The following IQCH variants were observed in gnomAD, a reference collection of about 807,000 sequenced individuals.
IQCH encodes the protein IQ motif containing H, also known as IQ domain-containing protein H.
Under a neutral mutation model 117.0 loss-of-function variants are expected in IQCH, and 98 were observed. The observed-to-expected ratio is 0.84, with a 90% confidence interval of 0.71 to 0.99. IQCH has a LOEUF of 0.99. IQCH is among the 50% of genes least tolerant of loss of function. IQCH has a pLI of 0.00. For synonymous variants in IQCH, 412 were observed against 448.2 expected (o/e 0.92, Z 1.02); for missense variants, 1,102 against 1,243.8 (o/e 0.89, Z 1.72).
chr15:67,442,823 GATA>G (rs2082304324), intron 16 of IQCH, among the ~76,000 whole-genome samples: 1 of 113,354 alleles, frequency 8.8e-6, no homozygotes, highest in Non-Finnish European at 1.8e-5. Context: ...CTGTGAGATA[GATA>G]GATAGATAGA....
chr15:67,308,535 G>A (rs896757934), intron 4 of IQCH, among the ~76,000 whole-genome samples: 4 of 152,082 alleles, frequency 2.6e-5, no homozygotes, highest in Non-Finnish European at 5.9e-5. Context: ...AAGGACTGTG[G>A]TGGCATGCAC....
chr15:67,440,635 A>C (rs898251247), intron 16 of IQCH, among the ~76,000 whole-genome samples: 1 of 152,228 alleles, frequency 6.6e-6, no homozygotes, highest in Non-Finnish European at 1.5e-5. Context: ...ATCTCAATAG[A>C]TGCAGAAAAA....
rs775863264 is a variant in IQCH at position 67,426,199 on chromosome 15, G to A, written c.2505+4622G>A. Among the ~76,000 whole-genome samples the A allele has an allele frequency of 6.6e-6, 1 of 152,182 alleles. No individual in the cohort carries two copies. Among genetic ancestry groups the A allele is most frequent in the Non-Finnish European group, 1.5e-5 (1 of 68,034 alleles). Reference sequence around the variant, plus strand: ...CCCTTCTGAGACCTCTCAGTGGACAGAGCTAGCAAGTACATGTATTACGTA... The same window carrying A: ...CCCTTCTGAGACCTCTCAGTGGACAAAGCTAGCAAGTACATGTATTACGTA... On this transcript the variant is annotated intron_variant, in intron 16 of 20. Coordinates refer to ENST00000335894, the MANE Select transcript of IQCH (RefSeq NM_001031715.3). The surrounding 1 kb of genome is among the most constrained non-coding windows in gnomAD (Gnocchi z 5.1).
intron 16 of IQCH, among the ~76,000 whole-genome samples, chr15:67,442,435 A>G (rs982570033): frequency 1.3e-5 from 2 of 152,048 alleles, no homozygotes; most frequent in Non-Finnish European, 2.9e-5. Flanking sequence ...AAAATGCTCA[A>G]CATCACTAAT....
chr15:67,470,527 C>T (rs896805774), intron 17 of IQCH, among the ~76,000 whole-genome samples: 2 of 152,124 alleles, frequency 1.3e-5, no homozygotes, highest in East Asian at 1.9e-4. Context: ...GTTTCCTATA[C>T]ATAGCACAGA....
chr15:67,367,752 A>G (rs7497852), intron 8 of IQCH, among the ~76,000 whole-genome samples: 151,422 of 152,142 alleles, frequency 1, 75,360 homozygotes, highest in Non-Finnish European at 1. Flanking sequence ...GGAAGAGAAA[A>G]CACCCGATGG....
chr15:67,358,176 C>CG, intron 7 of IQCH, among the ~76,000 whole-genome samples: 1 of 25,970 alleles, frequency 3.9e-5, no homozygotes, highest in Middle Eastern at 0.045. Context: ...TTTTTTTTTT[C>CG]TTTTTTAACC....
In IQCH at chr15:67,475,915, T is replaced by A; in HGVS notation, c.2799+97T>A. ...GGTGCCCCTTCAGATAGATATTCTT[T>A]AAATACCGGTTTGACGTGTCTGTAG... On this transcript the variant is annotated intron_variant, in intron 18 of 20. Coordinates refer to ENST00000335894, the MANE Select transcript of IQCH (RefSeq NM_001031715.3). This position sits in a 1 kb window ranked among gnomAD's most constrained non-coding sequence, Gnocchi z 5.7. 1 of 1,080,090 alleles carries A rather than the reference T, an allele frequency of 9.3e-7. No homozygotes were observed. The highest frequency in any genetic ancestry group is 1.4e-6 in the Non-Finnish European group (1 of 728,178). 66.9% of individuals were successfully genotyped at this position (1,080,090 alleles called of 1,614,324 possible). A position where few individuals can be genotyped will look rare whatever the true frequency, so the allele number is the denominator to read the frequency against.
chr15:67,304,958 T>A lies in IQCH; in HGVS notation c.387+25446T>A, dbSNP rs1389200640. Reference sequence around the variant, plus strand: ...AGAGGGAAAAATAGTCAAATGTAGATCTGCAGTAAGAGATCTCAGAGTCAA... The same window carrying A: ...AGAGGGAAAAATAGTCAAATGTAGAACTGCAGTAAGAGATCTCAGAGTCAA... On this transcript the variant is annotated intron_variant, in intron 4 of 20. Transcript: ENST00000335894. Among the ~76,000 whole-genome samples, 5 of 152,040 alleles carry A rather than the reference T, an allele frequency of 3.3e-5. No individual in the cohort carries two copies. The East Asian group carries it at 9.6e-4, about 29-fold the overall frequency.
intron 6 of IQCH, among the ~76,000 whole-genome samples, chr15:67,351,536 G>A (rs537134062): frequency 6.6e-6 from 1 of 152,200 alleles, no homozygotes; most frequent in Non-Finnish European, 1.5e-5. Flanking sequence ...GAGTGGAAAT[G>A]TTGGTCATGG....
Position 67,376,404 on chromosome 15 carries a change from A to G in IQCH, c.1372+2971A>G, listed in dbSNP as rs1970739555. ...TATTCAATCTAGTAATTTCATTTCC[A>G]AAGTTGAGACAGATTCACTAGTCAA... On this transcript the variant is annotated intron_variant, in intron 10 of 20. Transcript: ENST00000335894. The surrounding 1 kb of genome is among the most constrained non-coding windows in gnomAD (Gnocchi z 5.0). Among the ~76,000 whole-genome samples, 1 of 152,222 alleles carries G rather than the reference A, an allele frequency of 6.6e-6. No individual in the cohort carries two copies. Among genetic ancestry groups the G allele is most frequent in the Non-Finnish European group, 1.5e-5 (1 of 68,032 alleles).
At chr15:67,442,122 T>C (rs769696598) in intron 16 of IQCH, among the ~76,000 whole-genome samples, 11 of 151,826 alleles carry the variant, frequency 7.2e-5, no homozygotes, top group Non-Finnish European at 1.5e-4. Context: ...AATAAACATA[T>C]GAAAAAGGCC....
chr15:67,265,406 AT>A (rs1965629703), intron 3 of IQCH, among the ~76,000 whole-genome samples: 1 of 152,142 alleles, frequency 6.6e-6, no homozygotes, highest in Non-Finnish European at 1.5e-5. Context: ...TAGTATAATC[AT>A]TGGCCTTCTT....
intron 3 of IQCH, among the ~76,000 whole-genome samples, chr15:67,277,677 G>C (rs553071518): frequency 6.6e-6 from 1 of 151,958 alleles, no homozygotes; most frequent in African/African-American, 2.4e-5. Context: ...GGAACAACAG[G>C]CACATGCCAC....
At chr15:67,298,393 G>T (rs563607187) in intron 4 of IQCH, among the ~76,000 whole-genome samples, 1 of 151,544 alleles carries the variant, frequency 6.6e-6, no homozygotes, top group South Asian at 2.1e-4. Context: ...CTGATCATCA[G>T]AGAAAGGCAA....
At chr15:67,362,074 AAG>A (rs1475386541) in intron 8 of IQCH, among the ~76,000 whole-genome samples, 1 of 151,998 alleles carries the variant, frequency 6.6e-6, no homozygotes, top group Non-Finnish European at 1.5e-5. Flanking sequence ...AACAGGAAGA[AAG>A]AGGAAGGAGA....
intron 16 of IQCH, among the ~76,000 whole-genome samples, chr15:67,449,916 A>C (rs997877601): frequency 6.6e-6 from 1 of 152,146 alleles, no homozygotes; most frequent in Non-Finnish European, 1.5e-5. Context: ...AGTGGTTTGT[A>C]GTTCTCCTTG....
At chr15:67,373,319 A>T in intron 9 of IQCH, 48 bp from the exon 10 acceptor site, 2 of 1,266,752 alleles carry the variant, frequency 1.6e-6, no homozygotes, top group Non-Finnish European at 1.2e-6. Flanking sequence ...GACTAGATGA[A>T]TCCACTACAG....
chr15:67,265,037 AG>A (rs911725823), intron 3 of IQCH, among the ~76,000 whole-genome samples: 2 of 152,114 alleles, frequency 1.3e-5, no homozygotes, highest in African/African-American at 2.4e-5. Flanking sequence ...TCAGAATGGA[AG>A]GGGTGGGGAA....
Sources: allele counts gnomAD v4.1 joint callset (sites outside exome capture counted in the v4.1 genomes callset), GRCh38; gene constraint gnomAD v4.1.1; non-coding constraint Gnocchi (gnomAD v3.1); transcripts MANE v1.5; gene names NCBI Gene and HGNC (gene_info 2026-07-23, HGNC 2026-07-21).